LRBA: variants seen among roughly 807,000 people sequenced by gnomAD.
LRBA encodes lipopolysaccharide-responsive and beige-like anchor protein.
Under a neutral mutation model 330.0 loss-of-function variants are expected in LRBA, and 176 were observed. The observed-to-expected ratio is 0.53, with a 90% CI of 0.47 to 0.60. LRBA has a LOEUF of 0.60. Ranked by LOEUF, LRBA falls within the 20% of genes least tolerant of loss-of-function variation. LRBA has a pLI of 0.00. For synonymous variants in LRBA, 1,230 were observed against 1,193.0 expected, an observed-to-expected ratio of 1.03 and a Z score of -0.64; for missense variants, 3,259 against 3,444.8, an observed-to-expected ratio of 0.95 and a Z score of 1.35.
intron 40 of LRBA, among the ~76,000 whole-genome samples, chr4:150,570,637 T>C (rs1769721852): frequency 6.6e-6 from 1 of 152,088 alleles, no homozygotes; most frequent in Admixed American, 6.6e-5. Flanking sequence ...TATAAAGCAT[T>C]TGTTCAGAAT....
intron 47 of LRBA, among the ~76,000 whole-genome samples, chr4:150,369,044 C>A (rs1016247740): frequency 3.3e-5 from 5 of 151,636 alleles, no homozygotes; most frequent in Non-Finnish European, 5.9e-5. Flanking sequence ...AATAAATGAA[C>A]CTTGAGTCAG....
In LRBA at chr4:150,880,633, C is replaced by T. The variant is rs559502803; in HGVS notation, c.2166-7878G>A. Among the ~76,000 whole-genome samples the T allele has an allele frequency of 3.3e-5, 5 of 152,230 alleles. No homozygotes were observed. The South Asian group carries it at 1.0e-3, about 32-fold the overall frequency. On this transcript the variant is annotated intron_variant, in intron 17 of 56. Transcript: ENST00000651943. ...GAGAAAACACCATTCTGGACATCAGCCTTGGGAAAGAATTTATCACTAAGT... is the reference window on the plus strand; with the variant it reads ...GAGAAAACACCATTCTGGACATCAGTCTTGGGAAAGAATTTATCACTAAGT...
intron 34 of LRBA, among the ~76,000 whole-genome samples, chr4:150,796,667 T>G (rs1354827853): frequency 6.6e-6 from 1 of 151,908 alleles, no homozygotes; most frequent in Non-Finnish European, 1.5e-5. Flanking sequence ...ATATACTATA[T>G]TGGAAATAGC....
intron 47 of LRBA, among the ~76,000 whole-genome samples, chr4:150,408,472 T>C (rs952654933): frequency 2.6e-5 from 4 of 151,984 alleles, no homozygotes; most frequent in African/African-American, 9.7e-5. Flanking sequence ...AAAGAAGAAA[T>C]AATATGTAGC....
rs774329680 is a variant in LRBA, at chr4:150,599,043, G to A, written c.6010C>T (p.His2004Tyr). 68 of 1,613,682 alleles carry A rather than the reference G, an allele frequency of 4.2e-5. No individual in the cohort carries two copies. The highest frequency in any genetic ancestry group is 5.8e-5 in the Non-Finnish European group (68 of 1,179,828). ...GCTGTTTTTAGTGTCGCTTCAGGAT[G>A]TGTCGATCCTAGAGGGTTACGCACA... is the stretch of plus-strand genomic sequence containing the variant. Reference protein sequence around the residue: ...RFVRNPLGSTHPEATLKTAVE... With the variant: ...RFVRNPLGSTYPEATLKTAVE... The change falls in exon 38 of 57, where the codon CAT becomes TAT. Residue 2004 changes from histidine (H) to tyrosine (Y), a missense_variant. By Grantham distance (83) the His-to-Tyr change is moderately conservative. Transcript: ENST00000651943.
intron 46 of LRBA, among the ~76,000 whole-genome samples, chr4:150,418,785 C>A (rs114536103): frequency 6.6e-6 from 1 of 152,126 alleles, no homozygotes; most frequent in African/African-American, 2.4e-5. Flanking sequence ...AGAGCAGAGG[C>A]CTCTTGAAGG....
chr4:150,742,537 A>G (rs1219481383), intron 35 of LRBA, among the ~76,000 whole-genome samples: 1 of 152,140 alleles, frequency 6.6e-6, no homozygotes, highest in Non-Finnish European at 1.5e-5. Context: ...GCAGTCATCA[A>G]CAATGACATG....
intron 2 of LRBA, among the ~76,000 whole-genome samples, chr4:150,936,233 A>C (rs761557464): frequency 3.9e-5 from 6 of 152,132 alleles, no homozygotes; most frequent in Non-Finnish European, 8.8e-5. Context: ...TGTTAAGTCA[A>C]GACAATCTTT....
chr4:150,319,787 T>C (rs1561007852), intron 50 of LRBA, among the ~76,000 whole-genome samples: 1 of 152,166 alleles, frequency 6.6e-6, no homozygotes, highest in African/African-American at 2.4e-5. Flanking sequence ...GTATACCTTA[T>C]TGAGCTTAGT....
At chr4:150,857,325 C>T (rs1321351541) in intron 22 of LRBA, among the ~76,000 whole-genome samples, 1 of 152,066 alleles carries the variant, frequency 6.6e-6, no homozygotes, top group Non-Finnish European at 1.5e-5. Flanking sequence ...TCAAGCATTA[C>T]TGACATAATT....
chr4:150,412,836 A>T (rs1747199336), intron 47 of LRBA, among the ~76,000 whole-genome samples: 1 of 151,604 alleles, frequency 6.6e-6, no homozygotes, highest in East Asian at 1.9e-4. Flanking sequence ...GATATTTTGT[A>T]TCTTTTATAT....
Position 150,436,814 on chromosome 4 carries a change from A to G in LRBA, c.6831T>C (p.Tyr2277=), listed in dbSNP as rs1182041833. 1 of 1,613,858 alleles carries G rather than the reference A, an allele frequency of 6.2e-7. No homozygotes were observed. The highest frequency in any genetic ancestry group is 8.5e-7 in the Non-Finnish European group (1 of 1,179,870). The change falls in exon 45 of 57, where the codon TAT becomes TAC. Residue 2277 remains tyrosine (Y), a synonymous_variant. Transcript: ENST00000651943. ...PKRAAFFAER[Y]ESWEDDQVPK... Reference sequence around the variant, plus strand: ...GAACTTGATCATCTTCCCATGATTCATAACGCTCAGCGAAGAATGCTGCTC... The same window carrying G: ...GAACTTGATCATCTTCCCATGATTCGTAACGCTCAGCGAAGAATGCTGCTC...
chr4:150,374,739 G>A (rs1040525647), intron 47 of LRBA, among the ~76,000 whole-genome samples: 3 of 152,094 alleles, frequency 2.0e-5, no homozygotes, highest in Non-Finnish European at 4.4e-5. Context: ...TCCAAAACCT[G>A]AAATACTTCT....
At chr4:150,617,909 C>T (rs1240331031) in intron 37 of LRBA, among the ~76,000 whole-genome samples, 1 of 152,120 alleles carries the variant, frequency 6.6e-6, no homozygotes, top group Non-Finnish European at 1.5e-5. Flanking sequence ...GAGTTCAACA[C>T]CAACCTGGGC....
chr4:150,733,913 T>TAGG (rs1730847595), intron 36 of LRBA, among the ~76,000 whole-genome samples: 1 of 152,130 alleles, frequency 6.6e-6, no homozygotes, highest in Admixed American at 6.6e-5. Context: ...ACACAGGAAT[T>TAGG]AGATTTTCCT....
rs148380551 is a variant in LRBA, at chr4:150,657,625, C to T, written c.5921+25926G>A. 8.1e-3 allele frequency among the ~76,000 whole-genome samples: 1,224 copies of T among 151,748 alleles called. 9 individuals carry two copies. Among genetic ancestry groups the T allele is most frequent in the African/African-American group, 0.028 (1,153 of 41,426 alleles). Reference sequence around the variant, plus strand: ...ACAAGAATTCATAGTACAGTTTCCCCAAAACTAAGATTATTAATATTTTAA... The same window carrying T: ...ACAAGAATTCATAGTACAGTTTCCCTAAAACTAAGATTATTAATATTTTAA... On this transcript the variant is annotated intron_variant, in intron 37 of 56. Coordinates refer to ENST00000651943, the MANE Select transcript of LRBA (RefSeq NM_001364905.1).
At chr4:150,551,171 G>A (rs1490185422) in intron 40 of LRBA, among the ~76,000 whole-genome samples, 1 of 152,006 alleles carries the variant, frequency 6.6e-6, no homozygotes, top group Admixed American at 6.6e-5. Flanking sequence ...TTCTGCCCTG[G>A]GATGACTCTC....
intron 40 of LRBA, among the ~76,000 whole-genome samples, chr4:150,542,949 T>C (rs1470238249): frequency 6.6e-6 from 1 of 152,162 alleles, no homozygotes. Flanking sequence ...AATTTTATAA[T>C]GAGGCTTAAC....
At chr4:150,754,778 A>T (rs1311356678) in intron 35 of LRBA, among the ~76,000 whole-genome samples, 3 of 152,170 alleles carry the variant, frequency 2.0e-5, no homozygotes, top group African/African-American at 7.2e-5. Context: ...AAAAAAATTT[A>T]ATTGGAGTTT....
Sources: gnomAD v4.1 joint callset for allele counts (sites outside exome capture counted in the v4.1 genomes callset) on GRCh38, gnomAD v4.1.1 for gene constraint, MANE v1.5 for transcripts, NCBI Gene and HGNC (gene_info 2026-07-23, HGNC 2026-07-21) for gene names.